The following UST variants were observed in gnomAD, a reference collection of about 807,000 sequenced individuals.
UST encodes the protein chondroitin sulfate 2-O-sulfotransferase.
In UST, 21 loss-of-function variants were observed where a neutral mutation model predicts 45.6. That is an observed-to-expected ratio of 0.46 (90% CI 0.33 to 0.66). The LOEUF (loss-of-function observed/expected upper bound fraction) is 0.66. Among genes scored for constraint, UST ranks in the 30% least tolerant of loss-of-function variants. UST has a pLI of 0.02. For missense variants in UST, 463 were observed against 512.4 expected (o/e 0.90, Z 0.93); for synonymous variants, 215 against 200.6 (o/e 1.07, Z -0.61).
intron 3 of UST, among the ~76,000 whole-genome samples, chr6:148,951,550 G>T (rs571187443): frequency 3.3e-5 from 5 of 152,128 alleles, no homozygotes; most frequent in African/African-American, 4.8e-5. Flanking sequence ...GATTTTAGGT[G>T]GTGCCATTGT....
chr6:148,828,219 T>C (rs1468798173), intron 1 of UST, among the ~76,000 whole-genome samples: 8 of 149,008 alleles, frequency 5.4e-5, no homozygotes, highest in South Asian at 2.2e-4. Flanking sequence ...CTAAGTACTT[T>C]GTTAGTCTAT....
intron 5 of UST, among the ~76,000 whole-genome samples, chr6:148,996,273 C>T (rs982444207): frequency 5.3e-5 from 8 of 152,192 alleles, no homozygotes; most frequent in African/African-American, 1.9e-4. Flanking sequence ...GGCTGGAGTG[C>T]AGTGGCATGA....
intron 1 of UST, among the ~76,000 whole-genome samples, chr6:148,774,014 T>G (rs1776482956): frequency 6.6e-6 from 1 of 152,148 alleles, no homozygotes; most frequent in African/African-American, 2.4e-5. Context: ...GTCAAACACC[T>G]CCAGGTACCA....
At chr6:148,981,343 C>T (rs555661342) in intron 5 of UST, among the ~76,000 whole-genome samples, 2 of 152,282 alleles carry the variant, frequency 1.3e-5, no homozygotes, top group South Asian at 2.1e-4. Flanking sequence ...AGTGATAAAA[C>T]CAGGATGCTC....
chr6:148,959,606 G>A (rs1338529347), intron 4 of UST, among the ~76,000 whole-genome samples: 5 of 152,158 alleles, frequency 3.3e-5, no homozygotes, highest in Non-Finnish European at 7.4e-5. Context: ...CAGCTGTGTT[G>A]GCCCATCAGG....
chr6:148,760,183 G>A (rs1194173047), intron 1 of UST, among the ~76,000 whole-genome samples: 2 of 152,148 alleles, frequency 1.3e-5, no homozygotes, highest in Admixed American at 6.5e-5. Flanking sequence ...TCAGCAGTGC[G>A]TTTCCTCCAC....
At chr6:148,931,141 C>T (rs138194553) in intron 2 of UST, among the ~76,000 whole-genome samples, 18 of 152,332 alleles carry the variant, frequency 1.2e-4, no homozygotes, top group Non-Finnish European at 2.1e-4. Context: ...CATTCTAAAT[C>T]GAGTGGTTGG....
intron 7 of UST, among the ~76,000 whole-genome samples, chr6:149,039,975 G>A (rs6936176): frequency 0.62 from 93,990 of 152,004 alleles, 29,557 homozygotes; most frequent in African/African-American, 0.66. Flanking sequence ...AGCATGTAAA[G>A]CATGGTTACT....
chr6:148,771,384 A>G (rs1776421690), intron 1 of UST, among the ~76,000 whole-genome samples: 1 of 152,216 alleles, frequency 6.6e-6, no homozygotes, highest in Non-Finnish European at 1.5e-5. Flanking sequence ...AGCTTTTTGT[A>G]GAGCTGTTCA....
chr6:148,814,964 A>G (rs1049483659), intron 1 of UST, among the ~76,000 whole-genome samples: 1 of 152,230 alleles, frequency 6.6e-6, no homozygotes, highest in Non-Finnish European at 1.5e-5. Context: ...ATGTGTGTGC[A>G]TATGTGAATG....
intron 1 of UST, among the ~76,000 whole-genome samples, chr6:148,773,216 TTGGGTGGCTGAGA>T (rs1382110848): frequency 6.6e-6 from 1 of 152,152 alleles, no homozygotes; most frequent in Non-Finnish European, 1.5e-5. Flanking sequence ...TCCCAACAAT[TTGGGTGGCTGAGA>T]TGGGTGGGAT....
At chr6:148,776,119 T>C (rs568380036) in intron 1 of UST, among the ~76,000 whole-genome samples, 6 of 152,310 alleles carry the variant, frequency 3.9e-5, no homozygotes, top group African/African-American at 1.2e-4. Context: ...GCTGAATTAA[T>C]AGGGCAAATT....
At chr6:149,015,617 T>A (rs1775885959) in intron 5 of UST, among the ~76,000 whole-genome samples, 2 of 151,312 alleles carry the variant, frequency 1.3e-5, no homozygotes, top group African/African-American at 4.9e-5. Flanking sequence ...CCATATTAAA[T>A]GTTTTTTTTT....
chr6:148,770,515 A>G (rs371765055), intron 1 of UST, among the ~76,000 whole-genome samples: 1 of 152,026 alleles, frequency 6.6e-6, no homozygotes, highest in South Asian at 2.1e-4. Flanking sequence ...ACTAACTGGT[A>G]TGCAATGAGA....
At chr6:148,814,046 T>G (rs926047139) in intron 1 of UST, among the ~76,000 whole-genome samples, 1 of 152,194 alleles carries the variant, frequency 6.6e-6, no homozygotes, top group Non-Finnish European at 1.5e-5. Context: ...GCACTTTCCA[T>G]CATTTCAAAA....
chr6:148,974,573 TG>T (rs1460640755), intron 5 of UST, among the ~76,000 whole-genome samples: 1 of 152,122 alleles, frequency 6.6e-6, no homozygotes, highest in African/African-American at 2.4e-5. Context: ...ATGGAACAGG[TG>T]GGGTCTTAAC....
chr6:148,747,127 G>C lies in UST; in HGVS notation c.-304G>C, dbSNP rs1272108283. ...GAGGCGAGCCCCGGCGGCCGCAAGC[G>C]AGCCCGAGGCGCGGCGGGGCGCGGG... On this transcript the variant is annotated 5_prime_UTR_variant, in exon 1 of 8. Transcript: ENST00000367463. Among the ~76,000 whole-genome samples the C allele has an allele frequency of 1.3e-5, 2 of 150,216 alleles. No individual in the cohort carries two copies. The highest frequency in any genetic ancestry group is 3.0e-5 in the Non-Finnish European group (2 of 67,298).
chr6:148,834,662 G>C (rs911012639), intron 1 of UST, among the ~76,000 whole-genome samples: 18 of 152,170 alleles, frequency 1.2e-4, no homozygotes, highest in Non-Finnish European at 2.5e-4. Flanking sequence ...TTGAGCCTGT[G>C]AGAAAGAGGT....
intron 1 of UST, among the ~76,000 whole-genome samples, chr6:148,841,581 G>GTTTT (rs770638985): frequency 9.0e-6 from 1 of 111,286 alleles, no homozygotes; most frequent in Non-Finnish European, 1.9e-5. Flanking sequence ...GGTCTGTTTT[G>GTTTT]TTTTTGTTTT....
Sources: allele counts gnomAD v4.1 joint callset (sites outside exome capture counted in the v4.1 genomes callset), GRCh38; gene constraint gnomAD v4.1.1; transcripts MANE v1.5; gene names NCBI Gene and HGNC (gene_info 2026-07-23, HGNC 2026-07-21).